The following POLI variants were observed in gnomAD, a reference collection of about 807,000 sequenced individuals.
POLI encodes the protein RAD30 homolog B.
A neutral mutation model predicts 51.6 loss-of-function variants in POLI; 58 were observed. The ratio of observed to expected loss-of-function variants is 1.12; its 90% confidence interval spans 0.91 to 1.40. POLI has a LOEUF of 1.40. Among genes scored for constraint, POLI ranks in the 40% most tolerant of loss-of-function variants. The pLI is 0.00. For synonymous variants in POLI, 322 were observed against 299.7 expected (o/e 1.07, Z -0.77); for missense variants, 921 against 871.3 (o/e 1.06, Z -0.72).
chr18:54,298,146 A>G lies in POLI; in HGVS notation c.*3679A>G. On this transcript the variant is annotated 3_prime_UTR_variant, in exon 10 of 10. Transcript: ENST00000579534. Reference sequence around the variant, plus strand: ...CTTCTATTTTAAAATCTGTATATAGAAAGGTACATAAACATAAATGAACAT... The same window carrying G: ...CTTCTATTTTAAAATCTGTATATAGGAAGGTACATAAACATAAATGAACAT... 1 of 682,634 alleles carries G rather than the reference A, an allele frequency of 1.5e-6. No individual in the cohort carries two copies. The highest frequency in any genetic ancestry group is 1.8e-6 in the Non-Finnish European group (1 of 553,400). The allele number at this position is 682,634 out of a possible 1,614,324, so 42.3% of individuals were successfully genotyped here. A position where few individuals can be genotyped will look rare whatever the true frequency, so the allele number is the denominator to read the frequency against.
At chr18:54,317,844 G>A (rs930440119) in intron 3 of POLI, among the ~76,000 whole-genome samples, 6 of 152,132 alleles carry the variant, frequency 3.9e-5, no homozygotes, top group African/African-American at 7.2e-5. Flanking sequence ...AAGCCTGGGC[G>A]ACAGGCTTTA....
chr18:54,319,192 A>G (rs759461170), intron 3 of POLI, among the ~76,000 whole-genome samples: 4 of 152,170 alleles, frequency 2.6e-5, no homozygotes, highest in Non-Finnish European at 5.9e-5. Context: ...TCAGATCTCT[A>G]CTGCAGACTC....
At chr18:54,284,720 A>T (rs1361519456) in intron 7 of POLI, 1 of 152,422 alleles carries the variant, frequency 6.6e-6, no homozygotes, top group Non-Finnish European at 1.5e-5. Context: ...GTGTGTGAGT[A>T]GGGTGAGTGA....
At chr18:54,282,175 G>A (rs936904201) in intron 5 of POLI, among the ~76,000 whole-genome samples, 4 of 152,082 alleles carry the variant, frequency 2.6e-5, no homozygotes, top group Non-Finnish European at 5.9e-5. Flanking sequence ...AATTGCTCTA[G>A]TGGCAGCCTT....
Position 54,287,354 on chromosome 18 carries a change from GGTC to G in POLI, c.1144_1146del (p.Arg382del). ...TCGGTATTCCTCTGAGAAGCACTATGGTCGTGAGAGTCGTCAGTGCCCTATTCC... is the reference window on the plus strand; with the variant it reads ...TCGGTATTCCTCTGAGAAGCACTATGGTGAGAGTCGTCAGTGCCCTATTCC... On this transcript the variant is annotated inframe_deletion, in exon 8 of 10. Transcript: ENST00000579534. The G allele has an allele frequency of 1.2e-6, 2 of 1,600,340 alleles. No individual in the cohort carries two copies. The highest frequency in any genetic ancestry group is 1.7e-6 in the Non-Finnish European group (2 of 1,170,720).
chr18:54,307,530 C>T (rs889271309), intron 3 of POLI, among the ~76,000 whole-genome samples: 11 of 152,036 alleles, frequency 7.2e-5, no homozygotes, highest in East Asian at 1.9e-4. Flanking sequence ...GGAATAAGTG[C>T]GATGTGGTGC....
intron 1 of POLI, 98 bp from the exon 2 acceptor site, chr18:54,271,262 C>G (rs1188016919): frequency 3.2e-5 from 33 of 1,021,810 alleles, no homozygotes; most frequent in Non-Finnish European, 4.7e-5. Flanking sequence ...CGTCACTCTG[C>G]ATTCTTCCTT....
Position 54,294,677 on chromosome 18 carries a change from CTA to C in POLI, c.*211_*212del. 1.7e-6 allele frequency: 2 copies of C among 1,187,244 alleles called. No homozygotes were observed. The highest frequency in any genetic ancestry group is 2.1e-6 in the Non-Finnish European group (2 of 953,686). The allele number at this position is 1,187,244 out of a possible 1,614,324, so 73.5% of individuals were successfully genotyped here. ...TAATGTAAAATACTATCTTTTATGT[CTA>C]AAGCCATTTTATATTACTTTTCAAT... On this transcript the variant is annotated 3_prime_UTR_variant, in exon 10 of 10. Coordinates refer to ENST00000579534, the MANE Select transcript of POLI (RefSeq NM_007195.3).
intron 3 of POLI, among the ~76,000 whole-genome samples, chr18:54,277,172 T>C (rs1003626799): frequency 1.3e-5 from 2 of 152,234 alleles, no homozygotes; most frequent in African/African-American, 4.8e-5. Context: ...AGGAATATTC[T>C]TGGGAATGGC....
intron 8 of POLI, among the ~76,000 whole-genome samples, chr18:54,289,962 G>A (rs2144572825): frequency 6.6e-6 from 1 of 152,244 alleles, no homozygotes; most frequent in Admixed American, 6.5e-5. Flanking sequence ...GGCAACAAAA[G>A]CCAAAATTGA....
intron 3 of POLI, among the ~76,000 whole-genome samples, chr18:54,277,139 T>C (rs550404432): frequency 6.6e-6 from 1 of 152,356 alleles, no homozygotes; most frequent in East Asian, 1.9e-4. Flanking sequence ...TAAGTTGTGG[T>C]TCATCTCTGC....
In POLI at chr18:54,294,888, C is replaced by G; in HGVS notation, c.*421C>G. ...CTCTTAGGCTGAATAGCAAATCCTA[C>G]TGCCAACTAACCTATTAAAAATATA... is the stretch of plus-strand genomic sequence containing the variant. On this transcript the variant is annotated 3_prime_UTR_variant, in exon 10 of 10. Transcript: ENST00000579534. 1 of 982,112 alleles carries G rather than the reference C, an allele frequency of 1.0e-6. No individual in the cohort carries two copies. The highest frequency in any genetic ancestry group is 1.2e-6 in the Non-Finnish European group (1 of 827,400). The allele number at this position is 982,112 out of a possible 1,614,324, so 60.8% of individuals were successfully genotyped here.
chr18:54,295,958 T>A lies in POLI; in HGVS notation c.*1491T>A. 1 of 985,274 alleles carries A rather than the reference T, an allele frequency of 1.0e-6. No homozygotes were observed. Among genetic ancestry groups the A allele is most frequent in the Non-Finnish European group, 1.2e-6 (1 of 829,834 alleles). The allele number at this position is 985,274 out of a possible 1,614,324, so 61.0% of individuals were successfully genotyped here. A position where few individuals can be genotyped will look rare whatever the true frequency, so the allele number is the denominator to read the frequency against. Reference sequence around the variant, plus strand: ...CTGAAATTTTAACTTAGTTTTGGATTCCTTGGAATTTGAAAATATGCTAAC... The same window carrying A: ...CTGAAATTTTAACTTAGTTTTGGATACCTTGGAATTTGAAAATATGCTAAC... On this transcript the variant is annotated 3_prime_UTR_variant, in exon 10 of 10. Coordinates refer to ENST00000579534, the MANE Select transcript of POLI (RefSeq NM_007195.3).
intron 3 of POLI, among the ~76,000 whole-genome samples, chr18:54,276,916 T>G (rs2087267963): frequency 6.6e-6 from 1 of 152,240 alleles, no homozygotes; most frequent in African/African-American, 2.4e-5. Context: ...GAGACTTGCA[T>G]TTGTTTTCTC....
At chr18:54,308,282 GACA>G (rs1317105293) in intron 3 of POLI, among the ~76,000 whole-genome samples, 1 of 152,164 alleles carries the variant, frequency 6.6e-6, no homozygotes, top group Non-Finnish European at 1.5e-5. Context: ...GCCTGGTGGT[GACA>G]ACATCTCTCA....
In POLI at chr18:54,287,215, A is replaced by T; in HGVS notation, c.1068-66A>T. 11 of 1,141,350 alleles carry T rather than the reference A, an allele frequency of 9.6e-6. No individual in the cohort carries two copies. The South Asian group carries it at 1.6e-4, about 16-fold the overall frequency. The allele number at this position is 1,141,350 out of a possible 1,614,324, so 70.7% of individuals were successfully genotyped here. A position where few individuals can be genotyped will look rare whatever the true frequency, so the allele number is the denominator to read the frequency against. On this transcript the variant is annotated intron_variant, in intron 7 of 9. Transcript: ENST00000579534. ...AATCTGGCACCTTTAGATAAATGAGATGTTACATAATTTAAAAAGGTAATA... is the reference window on the plus strand; with the variant it reads ...AATCTGGCACCTTTAGATAAATGAGTTGTTACATAATTTAAAAAGGTAATA...
At position 54,293,662 on chromosome 18, in the gene POLI, C is replaced by G. The variant is rs749179224; in HGVS notation, c.1418C>G (p.Thr473Ser). The change falls in exon 10 of 10, where the codon ACT (threonine) becomes AGT (serine). Residue 473 changes from threonine (T) to serine (S), a missense_variant. Coordinates refer to ENST00000579534, the MANE Select transcript of POLI (RefSeq NM_007195.3). ...CTTGTGTTCTAGAAAATGAAAGACA[C>G]TCATATGGAAGATTTTCCCAAAGAC... ...SGKHSFKMKD[T>S]HMEDFPKDKE... 3 of 1,569,296 alleles carry G rather than the reference C, an allele frequency of 1.9e-6. No individual in the cohort carries two copies. Among genetic ancestry groups the G allele is most frequent in the Non-Finnish European group, 8.6e-7 (1 of 1,161,008 alleles).
chr18:54,292,053 TTTTG>T lies in POLI; in HGVS notation c.1404+18_1404+21del, dbSNP rs1568141706. 3 of 1,489,548 alleles carry T rather than the reference TTTTG, an allele frequency of 2.0e-6. No individual in the cohort carries two copies. The highest frequency in any genetic ancestry group is 1.4e-5 in the African/African-American group (1 of 72,070). The allele number at this position is 1,489,548 out of a possible 1,614,324, so 92.3% of individuals were successfully genotyped here. The stretch of plus-strand genomic sequence containing the variant: ...AGCACAGTTTTGTAAGTACACTCTT[TTTTG>T]TTCAGTTTTCTAAGTATACTCTTAT... On this transcript the variant is annotated intron_variant, in intron 9 of 9. Transcript: ENST00000579534.
At chr18:54,283,114 T>C in intron 6 of POLI, 99 bp downstream of exon 6, 2 of 703,968 alleles carry the variant, frequency 2.8e-6, no homozygotes, top group Non-Finnish European at 4.5e-6. Context: ...TCTAGTTTGC[T>C]TAGTATGTGA....
Sources: allele counts gnomAD v4.1 joint callset (sites outside exome capture counted in the v4.1 genomes callset), GRCh38; gene constraint gnomAD v4.1.1; transcripts MANE v1.5; gene names NCBI Gene and HGNC (gene_info 2026-07-23, HGNC 2026-07-21).